EGFR: variants seen among roughly 807,000 people sequenced by gnomAD.
The protein encoded by EGFR is avian erythroblastic leukemia viral (v-erb-b) oncogene homolog.
In EGFR, 58 loss-of-function variants were observed where a neutral mutation model predicts 143.0. That is an observed-to-expected ratio of 0.41 (90% CI 0.33 to 0.50). The LOEUF (loss-of-function observed/expected upper bound fraction) is 0.50. Ranked by LOEUF, EGFR falls within the 20% of genes least tolerant of loss-of-function variation. The pLI is 0.39. For synonymous variants in EGFR, 613 were observed against 594.4 expected (o/e 1.03, Z -0.45); for missense variants, 1,307 against 1,579.0 (o/e 0.83, Z 2.92).
rs73420739 is a variant in EGFR at position 55,038,357 on chromosome 7, C to T, written c.88+18992C>T. On this transcript the variant is annotated intron_variant, in intron 1 of 27. Transcript: ENST00000275493. The stretch of plus-strand genomic sequence containing the variant: ...GAGGAGTCTCACCCTGCCTGGAGCA[C>T]GTGGCCCCTAAAACAGCGCAGCCTC... Among the ~76,000 whole-genome samples, 694 of 152,264 alleles carry T rather than the reference C, an allele frequency of 4.6e-3. 7 individuals carry two copies. Among genetic ancestry groups the T allele is most frequent in the African/African-American group, 0.015 (631 of 41,542 alleles).
At chr7:55,132,603 T>C (rs764130840) in intron 1 of EGFR, among the ~76,000 whole-genome samples, 7 of 152,240 alleles carry the variant, frequency 4.6e-5, no homozygotes, top group Non-Finnish European at 7.3e-5. Context: ...AGTATTATGT[T>C]TTCATTTGCT....
intron 1 of EGFR, among the ~76,000 whole-genome samples, chr7:55,037,742 A>G (rs1409384984): frequency 6.6e-6 from 1 of 152,254 alleles, no homozygotes; most frequent in East Asian, 1.9e-4. Context: ...ATTATTTGGT[A>G]AACCTGACCT....
intron 1 of EGFR, among the ~76,000 whole-genome samples, chr7:55,132,594 G>GT (rs953923128): frequency 3.3e-5 from 5 of 152,202 alleles, no homozygotes; most frequent in African/African-American, 1.2e-4. Flanking sequence ...TGAATGTGAA[G>GT]TATTATGTTT....
chr7:55,110,871 A>C (rs1278812944), intron 1 of EGFR, among the ~76,000 whole-genome samples: 1 of 152,186 alleles, frequency 6.6e-6, no homozygotes, highest in Non-Finnish European at 1.5e-5. Flanking sequence ...TTTCAGGGCC[A>C]AGATGGGAGT....
At chr7:55,170,227 G>T in intron 15 of EGFR, 2 of 1,611,416 alleles carry the variant, frequency 1.2e-6, no homozygotes, top group Non-Finnish European at 1.7e-6. Flanking sequence ...GATAGAAACT[G>T]TTAGGATCAG....
intron 1 of EGFR, among the ~76,000 whole-genome samples, chr7:55,072,603 C>T (rs6978771): frequency 0.25 from 38,026 of 152,148 alleles, 6,550 homozygotes; most frequent in East Asian, 0.87. Flanking sequence ...CCAACAGTTT[C>T]ATGTTGGCCC....
chr7:55,107,690 G>A (rs533733594), intron 1 of EGFR, among the ~76,000 whole-genome samples: 2 of 152,178 alleles, frequency 1.3e-5, no homozygotes, highest in Non-Finnish European at 2.9e-5. Flanking sequence ...AATTCTCAAG[G>A]CCACAGATTT....
Position 55,165,586 on chromosome 7 carries a change from A to C in EGFR, c.1880+149A>C, listed in dbSNP as rs1044859081. The C allele has an allele frequency of 3.6e-5, 39 of 1,096,530 alleles. No individual in the cohort carries two copies. In the African/African-American group the frequency reaches 4.9e-4, roughly 14 times the overall value. 67.9% of individuals were successfully genotyped at this position (1,096,530 alleles called of 1,614,324 possible). A position where few individuals can be genotyped will look rare whatever the true frequency, so the allele number is the denominator to read the frequency against. On this transcript the variant is annotated intron_variant, in intron 15 of 27. Coordinates refer to ENST00000275493, the MANE Select transcript of EGFR (RefSeq NM_005228.5). ...TTTTGGTCCCCACAGCCATGCCAGTAGCAACTTGCTTGTGAGCAGGCCTCA... is the reference window on the plus strand; with the variant it reads ...TTTTGGTCCCCACAGCCATGCCAGTCGCAACTTGCTTGTGAGCAGGCCTCA...
At chr7:55,019,964 C>A (rs10240870) in intron 1 of EGFR, among the ~76,000 whole-genome samples, 17 of 152,364 alleles carry the variant, frequency 1.1e-4, no homozygotes, top group African/African-American at 3.6e-4. Context: ...AGCCGGCGCC[C>A]GCCAGCCTGG....
chr7:55,154,066 TG>T lies in EGFR; in HGVS notation c.804del (p.Met268IlefsTer12). The stretch of plus-strand genomic sequence containing the variant: ...TGCAAGGACACCTGCCCCCCACTCA[TG>T]CTCTACAACCCCACCACGTACCAGA... Reference protein sequence around the residue: ...ATCKDTCPPLMLYNPTTYQMD... With the variant: ...ATCKDTCPPLXLYNPTTYQMD... On this transcript the variant is annotated frameshift_variant, in exon 7 of 28. Coordinates refer to ENST00000275493, the MANE Select transcript of EGFR (RefSeq NM_005228.5). LOFTEE classifies it high-confidence loss of function. 6.2e-7 allele frequency: 1 copy of T among 1,614,174 alleles called. No homozygotes were observed. Among genetic ancestry groups the T allele is most frequent in the Non-Finnish European group, 8.5e-7 (1 of 1,180,022 alleles).
At chr7:55,059,006 A>G (rs1025653933) in intron 1 of EGFR, among the ~76,000 whole-genome samples, 1 of 152,222 alleles carries the variant, frequency 6.6e-6, no homozygotes, top group African/African-American at 2.4e-5. Flanking sequence ...TCTGAATTGT[A>G]ATCCTTTTTC....
chr7:55,040,511 G>A (rs1359611381), intron 1 of EGFR, among the ~76,000 whole-genome samples: 1 of 152,098 alleles, frequency 6.6e-6, no homozygotes, highest in Non-Finnish European at 1.5e-5. Context: ...ACTCATTGCT[G>A]TATTTTTATT....
chr7:55,062,856 T>C (rs1186012221), intron 1 of EGFR, among the ~76,000 whole-genome samples: 1 of 152,130 alleles, frequency 6.6e-6, no homozygotes, highest in African/African-American at 2.4e-5. Context: ...TTGCTGCTCA[T>C]ACGAGATGAA....
chr7:55,126,141 C>T (rs1793509817), intron 1 of EGFR, among the ~76,000 whole-genome samples: 1 of 152,204 alleles, frequency 6.6e-6, no homozygotes, highest in Admixed American at 6.5e-5. Flanking sequence ...CAGAACCTCT[C>T]AGACCAGGTC....
chr7:55,149,515 A>G (rs1794927590), intron 4 of EGFR, among the ~76,000 whole-genome samples: 1 of 152,196 alleles, frequency 6.6e-6, no homozygotes, highest in South Asian at 2.1e-4. Context: ...TTTTGCTTTT[A>G]AACACCTGGG....
chr7:55,097,663 C>A (rs1320162950), intron 1 of EGFR, among the ~76,000 whole-genome samples: 1 of 152,176 alleles, frequency 6.6e-6, no homozygotes, highest in Non-Finnish European at 1.5e-5. Flanking sequence ...CTATAAGACC[C>A]AGGACCTACA....
rs781110782 is a variant in EGFR, at chr7:55,205,542, C to A, written c.3558C>A (p.Ile1186=). 6.2e-7 allele frequency: 1 copy of A among 1,614,232 alleles called. No homozygotes were observed. Among genetic ancestry groups the A allele is most frequent in the Non-Finnish European group, 8.5e-7 (1 of 1,180,034 alleles). ...CCAAGGAAGCCAAGCCAAATGGCAT[C>A]TTTAAGGGCTCCACAGCTGAAAATG... ...FFPKEAKPNG[I]FKGSTAENAE... is the part of the protein sequence containing the mutation. The change falls in exon 28 of 28, where the codon ATC becomes ATA. Residue 1186 remains isoleucine (I), a synonymous_variant. Transcript: ENST00000275493.
At chr7:55,063,987 T>C (rs749937586) in intron 1 of EGFR, among the ~76,000 whole-genome samples, 77 of 152,138 alleles carry the variant, frequency 5.1e-4, no homozygotes, top group Admixed American at 9.8e-4. Flanking sequence ...AAAAAAATTA[T>C]ATAAAGTCTT....
intron 1 of EGFR, among the ~76,000 whole-genome samples, chr7:55,033,283 G>A (rs2128864533): frequency 6.6e-6 from 1 of 152,262 alleles, no homozygotes; most frequent in East Asian, 1.9e-4. Context: ...AAAATCTTAA[G>A]ACCTGCCTTG....
Sources: allele counts gnomAD v4.1 joint callset (sites outside exome capture counted in the v4.1 genomes callset), GRCh38; gene constraint gnomAD v4.1.1; transcripts MANE v1.5; gene names NCBI Gene and HGNC (gene_info 2026-07-23, HGNC 2026-07-21).